The following ARHGAP20 variants were observed in gnomAD, a reference collection of about 807,000 sequenced individuals.
ARHGAP20 encodes the protein rho GTPase-activating protein 20.
A neutral mutation model predicts 73.7 loss-of-function variants in ARHGAP20; 34 were observed. The ratio of observed to expected loss-of-function variants is 0.46; its 90% CI spans 0.35 to 0.61. The LOEUF is 0.61. Ranked by LOEUF, ARHGAP20 falls within the 20% of genes least tolerant of loss-of-function variation. The pLI, the probability that ARHGAP20 is intolerant of heterozygous loss-of-function variation, is 0.00. For missense variants in ARHGAP20, 1,314 were observed against 1,420.9 expected, an observed-to-expected ratio of 0.92 and a Z score of 1.21; for synonymous variants, 523 against 518.2, an observed-to-expected ratio of 1.01 and a Z score of -0.13.
chr11:110,634,677 G>A (rs1948927254), intron 2 of ARHGAP20, among the ~76,000 whole-genome samples: 1 of 152,024 alleles, frequency 6.6e-6, no homozygotes, highest in Non-Finnish European at 1.5e-5. Context: ...AAGTTAGTTG[G>A]ACTAGGACTA....
intron 8 of ARHGAP20, 123 bp downstream of exon 8, chr11:110,608,861 A>G: frequency 1.3e-6 from 1 of 741,074 alleles, no homozygotes; most frequent in Admixed American, 2.6e-5. Flanking sequence ...TTATTAAATG[A>G]ACACCATGAA....
chr11:110,711,127 G>C (rs1950643977), intron 1 of ARHGAP20, among the ~76,000 whole-genome samples: 1 of 152,146 alleles, frequency 6.6e-6, no homozygotes, highest in Non-Finnish European at 1.5e-5. Context: ...CGAAACGGCA[G>C]AGGCCGGCAG....
At chr11:110,624,074 C>A in intron 4 of ARHGAP20, 88 bp downstream of exon 4, 1 of 1,452,586 alleles carries the variant, frequency 6.9e-7, no homozygotes, top group Non-Finnish European at 9.2e-7. Flanking sequence ...ATTAGAGGAA[C>A]AACATTTGAT....
intron 5 of ARHGAP20, among the ~76,000 whole-genome samples, chr11:110,615,288 G>A (rs1383325199): frequency 6.6e-6 from 1 of 152,144 alleles, no homozygotes; most frequent in Admixed American, 6.5e-5. Flanking sequence ...AGAGAGAGGA[G>A]ATTATTGACT....
At chr11:110,635,125 TCA>T (rs1188297892) in intron 2 of ARHGAP20, among the ~76,000 whole-genome samples, 1 of 152,016 alleles carries the variant, frequency 6.6e-6, no homozygotes, top group African/African-American at 2.4e-5. Context: ...ATAGCATGGG[TCA>T]CAGTGTCTGA....
chr11:110,701,896 T>C (rs1565485680), intron 1 of ARHGAP20, among the ~76,000 whole-genome samples: 1 of 152,112 alleles, frequency 6.6e-6, no homozygotes, highest in African/African-American at 2.4e-5. Flanking sequence ...TAGTTGTAGA[T>C]ATGCGGCGTT....
intron 1 of ARHGAP20, among the ~76,000 whole-genome samples, chr11:110,695,705 C>CTCTTACA (rs1227683732): frequency 1.3e-5 from 2 of 151,482 alleles, no homozygotes; most frequent in Non-Finnish European, 3.0e-5. Flanking sequence ...GGAGACTGGA[C>CTCTTACA]TCTTACACAC....
At chr11:110,589,317 T>C in intron 11 of ARHGAP20, 3 of 843,570 alleles carry the variant, frequency 3.6e-6, no homozygotes, top group Non-Finnish European at 4.3e-6. Context: ...TCTTGCATGA[T>C]ATCTAATTGC....
chr11:110,707,727 A>C (rs1950574645), intron 1 of ARHGAP20, among the ~76,000 whole-genome samples: 2 of 152,174 alleles, frequency 1.3e-5, no homozygotes, highest in Non-Finnish European at 2.9e-5. Flanking sequence ...AAGCCATAAG[A>C]GAGTTAAGGG....
chr11:110,598,479 A>G (rs1173375707), intron 9 of ARHGAP20, among the ~76,000 whole-genome samples: 8 of 152,040 alleles, frequency 5.3e-5, no homozygotes, highest in Non-Finnish European at 1.0e-4. Flanking sequence ...TTTAATTTCT[A>G]CTCTGTTCTA....
chr11:110,627,497 T>C (rs1335017045), intron 3 of ARHGAP20, among the ~76,000 whole-genome samples: 2 of 152,196 alleles, frequency 1.3e-5, no homozygotes, highest in Non-Finnish European at 2.9e-5. Flanking sequence ...AAAATTCCAG[T>C]GAATTGATGA....
intron 11 of ARHGAP20, among the ~76,000 whole-genome samples, chr11:110,586,985 T>C (rs1301849395): frequency 6.6e-6 from 1 of 152,180 alleles, no homozygotes; most frequent in Non-Finnish European, 1.5e-5. Flanking sequence ...TCATGCCTGA[T>C]GTATGCTAAA....
chr11:110,590,504 A>T, intron 11 of ARHGAP20, 144 bp downstream of exon 11: 1 of 841,914 alleles, frequency 1.2e-6, no homozygotes, highest in Non-Finnish European at 1.7e-6. Context: ...AAATGTTTTT[A>T]TAACACTTTT....
chr11:110,610,979 G>A (rs1161386841), intron 7 of ARHGAP20, among the ~76,000 whole-genome samples: 3 of 152,028 alleles, frequency 2.0e-5, no homozygotes, highest in Non-Finnish European at 4.4e-5. Context: ...AGCAAGGGGA[G>A]AAGGAGGATG....
At chr11:110,603,900 A>G (rs557979774) in intron 9 of ARHGAP20, among the ~76,000 whole-genome samples, 2 of 152,302 alleles carry the variant, frequency 1.3e-5, no homozygotes, top group South Asian at 2.1e-4. Context: ...ATTATAGATC[A>G]GAATGTTTGT....
intron 3 of ARHGAP20, among the ~76,000 whole-genome samples, chr11:110,625,289 G>A (rs1243265021): frequency 2.6e-5 from 4 of 151,162 alleles, no homozygotes; most frequent in East Asian, 1.9e-4. Flanking sequence ...CACCCGCCTC[G>A]GCCTCCCAAA....
At chr11:110,616,815 C>T (rs1157941332) in intron 4 of ARHGAP20, among the ~76,000 whole-genome samples, 2 of 151,454 alleles carry the variant, frequency 1.3e-5, no homozygotes, top group African/African-American at 4.9e-5. Flanking sequence ...ATTTATTTAG[C>T]AAAAATCTGT....
At chr11:110,675,273 A>T (rs1399349741) in intron 2 of ARHGAP20, among the ~76,000 whole-genome samples, 1 of 152,194 alleles carries the variant, frequency 6.6e-6, no homozygotes, top group African/African-American at 2.4e-5. Context: ...AGGCCCTCAG[A>T]CTGACAGAGA....
chr11:110,594,073 T>C (rs1310664502), intron 9 of ARHGAP20, among the ~76,000 whole-genome samples: 1 of 152,230 alleles, frequency 6.6e-6, no homozygotes, highest in East Asian at 1.9e-4. Flanking sequence ...TCCAAAGAAG[T>C]CTTCTATATT....
Sources: gnomAD v4.1 joint callset for allele counts (sites outside exome capture counted in the v4.1 genomes callset) on GRCh38, gnomAD v4.1.1 for gene constraint, MANE v1.5 for transcripts, NCBI Gene and HGNC (gene_info 2026-07-23, HGNC 2026-07-21) for gene names.